The following POLR1B variants were observed in gnomAD, a reference collection of about 807,000 sequenced individuals.
The protein encoded by POLR1B is RNA polymerase I subunit B, also known as DNA-directed RNA polymerase I subunit RPA2.
POLR1B carries 30 observed loss-of-function variants against 105.8 expected under a neutral mutation model. The observed-to-expected ratio is 0.28, with a 90% CI of 0.21 to 0.38. The LOEUF (loss-of-function observed/expected upper bound fraction) is 0.38, where lower values mean the gene tolerates loss of function less well. Ranked by LOEUF, POLR1B falls within the 10% of genes least tolerant of loss-of-function variation. POLR1B has a pLI of 1.00. For missense variants in POLR1B, 976 were observed against 1,435.8 expected (o/e 0.68, Z 5.17); for synonymous variants, 485 against 505.1 (o/e 0.96, Z 0.53).
At chr2:112,561,204 G>A (rs1411821223) in intron 9 of POLR1B, among the ~76,000 whole-genome samples, 1 of 152,166 alleles carries the variant, frequency 6.6e-6, no homozygotes, top group African/African-American at 2.4e-5. Flanking sequence ...TGTTACTCGT[G>A]ATTCAAAATG....
Position 112,547,076 on chromosome 2 carries a change from T to C in POLR1B, c.242T>C (p.Val81Ala). The C allele has an allele frequency of 6.2e-7, 1 of 1,614,200 alleles. No individual in the cohort carries two copies. Among genetic ancestry groups the C allele is most frequent in the Non-Finnish European group, 8.5e-7 (1 of 1,180,024 alleles). The change falls in exon 2 of 15, where the codon GTT (valine) becomes GCT (alanine). Residue 81 changes from valine (V) to alanine (A), a missense_variant. By Grantham distance (64) the Val-to-Ala change is moderately conservative. Around this residue, in one of 12 missense-constraint regions of POLR1B, gnomAD observed 452 missense variants for 616.5 expected, o/e 0.73. Transcript: ENST00000263331. ...ERISFTILDA[V>A]ISPPTVPKGT... ...ATCTCTTTTACTATTCTGGATGCTG[T>C]TATCAGTCCACCTACAGTTCCAAAA...
chr2:112,549,227 G>GT, intron 3 of POLR1B, 40 bp from the exon 4 acceptor site: 1 of 1,606,816 alleles, frequency 6.2e-7, no homozygotes, highest in Non-Finnish European at 8.5e-7. Context: ...AGTTAGTCAT[G>GT]TATCTTTGTT....
At chr2:112,568,681 A>T (rs1196922109) in intron 11 of POLR1B, 65 bp from the exon 12 acceptor site, 2 of 1,547,048 alleles carry the variant, frequency 1.3e-6, no homozygotes, top group African/African-American at 2.7e-5. Flanking sequence ...GAACTCTGAG[A>T]AATGGTAAGA....
intron 9 of POLR1B, among the ~76,000 whole-genome samples, chr2:112,561,800 C>T (rs1351592325): frequency 2.0e-5 from 3 of 152,120 alleles, no homozygotes; most frequent in Non-Finnish European, 4.4e-5. Context: ...CACTTCAGTG[C>T]TGCACTCGGA....
chr2:112,557,579 CTATTT>C lies in POLR1B; in HGVS notation c.1159-321_1159-317del, dbSNP rs1184017464. ...AAGTTTGTGATAATTGAAACACATACTATTTTATTTTATTGAGAATAGGGTCTTGC... is the reference window on the plus strand; with the variant it reads ...AAGTTTGTGATAATTGAAACACATACTATTTTATTGAGAATAGGGTCTTGC... On this transcript the variant is annotated intron_variant, in intron 7 of 14. Coordinates refer to ENST00000263331, the MANE Select transcript of POLR1B (RefSeq NM_019014.6). Among the ~76,000 whole-genome samples the C allele has an allele frequency of 5.9e-5, 9 of 152,254 alleles. 1 individual carries two copies. The highest frequency in any genetic ancestry group is 1.4e-4 in the African/African-American group (6 of 41,540).
Position 112,564,998 on chromosome 2 carries a change from C to G in POLR1B, c.1746+499C>G, listed in dbSNP as rs541686559. Among the ~76,000 whole-genome samples the G allele has an allele frequency of 1.7e-3, 252 of 152,296 alleles. 1 individual carries two copies. Among genetic ancestry groups the G allele is most frequent in the African/African-American group, 6.0e-3 (248 of 41,562 alleles). ...GGCCATTGAAAGAATTATCCTTTGGCAACAGGCTGTTTGTGGTTTATATTC... is the reference window on the plus strand; with the variant it reads ...GGCCATTGAAAGAATTATCCTTTGGGAACAGGCTGTTTGTGGTTTATATTC... On this transcript the variant is annotated intron_variant, in intron 10 of 14. Transcript: ENST00000263331.
intron 12 of POLR1B, among the ~76,000 whole-genome samples, chr2:112,571,921 G>T (rs530045469): frequency 1.1e-3 from 172 of 152,260 alleles, no homozygotes; most frequent in African/African-American, 3.7e-3. Context: ...GTGTAGTTGG[G>T]GGTCTGCGTC....
intron 2 of POLR1B, 100 bp downstream of exon 2, chr2:112,547,279 T>C (rs903488529): frequency 4.0e-6 from 6 of 1,505,714 alleles, no homozygotes; most frequent in Non-Finnish European, 5.4e-6. Flanking sequence ...TTCTTGGTGC[T>C]ATTGTCTAAG....
intron 10 of POLR1B, among the ~76,000 whole-genome samples, chr2:112,567,086 C>T (rs1684322485): frequency 6.6e-6 from 1 of 152,050 alleles, no homozygotes; most frequent in Non-Finnish European, 1.5e-5. Context: ...TTAAGATCTG[C>T]TCTCTTAGTA....
Position 112,575,445 on chromosome 2 carries a change from C to A in POLR1B, c.3124C>A (p.Arg1042=). ...QGGIRFGEME[R]DALLAHGTSF... ...TGGAATCCGTTTTGGGGAGATGGAA[C>A]GGGATGCGCTTTTAGCTCATGGTAC... Residue 1042 remains arginine, a synonymous_variant, in exon 15 of 15, where the codon CGG becomes AGG. Transcript: ENST00000263331. The surrounding 1 kb of genome is among the most constrained non-coding windows in gnomAD (Gnocchi z 5.3). The A allele has an allele frequency of 3.7e-6, 6 of 1,614,172 alleles. No homozygotes were observed. Among genetic ancestry groups the A allele is most frequent in the Non-Finnish European group, 5.1e-6 (6 of 1,180,036 alleles).
rs745546863 is a variant in POLR1B at position 112,549,292 on chromosome 2, A to G, written c.518A>G (p.Asn173Ser). 5.6e-6 allele frequency: 9 copies of G among 1,613,454 alleles called. No homozygotes were observed. Among genetic ancestry groups the G allele is most frequent in the African/African-American group, 1.3e-5 (1 of 74,878 alleles). ...GAAATGGGGGGCTATTTTATAATCAATGGCATTGAAAAAGTCATCCGAATG... is the reference window on the plus strand; with the variant it reads ...GAAATGGGGGGCTATTTTATAATCAGTGGCATTGAAAAAGTCATCCGAATG... Reference protein sequence around the residue: ...AEEMGGYFIINGIEKVIRMLI... With the variant: ...AEEMGGYFIISGIEKVIRMLI... Residue 173 changes from asparagine to serine, a missense_variant, in exon 4 of 15, where the codon AAT becomes AGT. This residue lies in a region of POLR1B where 452 missense variants were observed against 616.5 expected (regional missense o/e 0.73). Coordinates refer to ENST00000263331, the MANE Select transcript of POLR1B (RefSeq NM_019014.6).
At chr2:112,569,556 G>C (rs981806340) in intron 12 of POLR1B, among the ~76,000 whole-genome samples, 13 of 150,636 alleles carry the variant, frequency 8.6e-5, no homozygotes, top group African/African-American at 3.2e-4. Flanking sequence ...TGAATATAGT[G>C]TGTTTCTTTT....
intron 10 of POLR1B, among the ~76,000 whole-genome samples, chr2:112,566,476 T>G (rs1684279708): frequency 6.6e-6 from 1 of 152,252 alleles, no homozygotes; most frequent in Admixed American, 6.5e-5. Flanking sequence ...TTTCTATGTT[T>G]ATTAGTTGCT....
chr2:112,558,933 T>A (rs575582904), intron 8 of POLR1B, among the ~76,000 whole-genome samples: 2,675 of 150,956 alleles, frequency 0.018, 69 homozygotes, highest in African/African-American at 0.061. Context: ...TTTTTTTTTT[T>A]AAACCCATGT....
chr2:112,542,763 C>G (rs1682828265), intron 1 of POLR1B, 92 bp downstream of exon 1: 1 of 1,457,576 alleles, frequency 6.9e-7, no homozygotes, highest in East Asian at 2.5e-5. Flanking sequence ...GATGCATGTG[C>G]TCCTTGATCC....
Position 112,568,826 on chromosome 2 carries a change from G to A in POLR1B, c.1998G>A (p.Leu666=), listed in dbSNP as rs1558664447. The part of the protein sequence containing the change: ...TTHQELFPHS[L]LSVIANFIPF... ...ACCAGGAACTCTTTCCACACAGCCT[G>A]CTGAGTGTGATTGCCAACTTCATCC... Residue 666 remains leucine, a synonymous_variant, in exon 12 of 15, where the codon CTG becomes CTA. Transcript: ENST00000263331. 3 of 1,614,174 alleles carry A rather than the reference G, an allele frequency of 1.9e-6. No individual in the cohort carries two copies. Among genetic ancestry groups the A allele is most frequent in the Non-Finnish European group, 2.5e-6 (3 of 1,180,004 alleles).
At chr2:112,549,489 A>ATT in intron 4 of POLR1B, 90 bp downstream of exon 4, 2 of 926,380 alleles carry the variant, frequency 2.2e-6, no homozygotes, top group Non-Finnish European at 1.5e-6. Flanking sequence ...GGTCTTTGAT[A>ATT]TTTTTGTTTC....
intron 13 of POLR1B, 29 bp downstream of exon 13, chr2:112,572,787 A>G (rs367543408): frequency 5.3e-6 from 8 of 1,510,364 alleles, no homozygotes; most frequent in Middle Eastern, 1.8e-4. Flanking sequence ...TGTTGTTCCA[A>G]TCTTTTTATT....
At position 112,574,947 on chromosome 2, in the gene POLR1B, A is replaced by G. The variant is rs776469627; in HGVS notation, c.2626A>G (p.Asn876Asp). Residue 876 changes from asparagine (N) to aspartate (D), a missense_variant, in exon 15 of 15, where the codon AAC becomes GAC. This residue lies in a region of POLR1B where 119 missense variants were observed against 149.7 expected (regional missense o/e 0.79). Transcript: ENST00000263331. ...CVCITMRVPRNPTIGDKFASR... is the reference protein window; with the variant it reads ...CVCITMRVPRDPTIGDKFASR... Reference sequence around the variant, plus strand: ...TTGCATCACTATGAGAGTGCCTCGGAACCCAACTATCGGAGATAAATTTGC... The same window carrying G: ...TTGCATCACTATGAGAGTGCCTCGGGACCCAACTATCGGAGATAAATTTGC... 1 of 1,614,162 alleles carries G rather than the reference A, an allele frequency of 6.2e-7. No homozygotes were observed. Among genetic ancestry groups the G allele is most frequent in the South Asian group, 1.1e-5 (1 of 91,084 alleles).
Sources: gnomAD v4.1 joint callset for allele counts (sites outside exome capture counted in the v4.1 genomes callset) on GRCh38, gnomAD v4.1.1 for gene constraint, gnomAD v4.1.1 regional missense constraint, Gnocchi (gnomAD v3.1) non-coding constraint, MANE v1.5 for transcripts, NCBI Gene and HGNC (gene_info 2026-07-23, HGNC 2026-07-21) for gene names.